PRSS38: variants seen among roughly 807,000 people sequenced by gnomAD.
The protein encoded by PRSS38 is serine protease 38, also known as marapsin 2.
A neutral mutation model predicts 26.8 loss-of-function variants in PRSS38; 22 were observed. The ratio of observed to expected loss-of-function variants is 0.82; its 90% CI spans 0.59 to 1.17. The LOEUF (loss-of-function observed/expected upper bound fraction) is 1.17. Among genes scored for constraint, PRSS38 ranks in the 50% most tolerant of loss-of-function variants. The probability of loss-of-function intolerance (pLI) is 0.00; values close to 1 mark genes in which losing one functional copy is unlikely to be tolerated. For synonymous variants in PRSS38, 175 were observed against 172.1 expected (o/e 1.02, Z -0.13); for missense variants, 427 against 422.7 (o/e 1.01, Z -0.09).
rs543439849 is a variant in PRSS38, at chr1:227,817,600, A to G, written c.583+120A>G. Reference sequence around the variant, plus strand: ...TTGGGGACTGGAATCCCCACCTGTCAATCAACATTTATTTGTTTGTCAGTG... The same window carrying G: ...TTGGGGACTGGAATCCCCACCTGTCGATCAACATTTATTTGTTTGTCAGTG... On this transcript the variant is annotated intron_variant, in intron 3 of 4. Transcript: ENST00000366757. 24 of 956,142 alleles carry G rather than the reference A, an allele frequency of 2.5e-5. No individual in the cohort carries two copies. The East Asian group carries it at 5.3e-4, about 21-fold the overall frequency. 59.2% of individuals were successfully genotyped at this position (956,142 alleles called of 1,614,324 possible). A position where few individuals can be genotyped will look rare whatever the true frequency, so the allele number is the denominator to read the frequency against.
At chr1:227,837,156 A>C (rs1665249140) in intron 3 of PRSS38, among the ~76,000 whole-genome samples, 1 of 152,156 alleles carries the variant, frequency 6.6e-6, no homozygotes, top group Non-Finnish European at 1.5e-5. Context: ...ATGCCTGGAT[A>C]GTTTTTACTC....
At chr1:227,839,279 G>A (rs996376931) in intron 3 of PRSS38, among the ~76,000 whole-genome samples, 1 of 152,082 alleles carries the variant, frequency 6.6e-6, no homozygotes, top group Non-Finnish European at 1.5e-5. Context: ...GGACAACATA[G>A]TGAGACCCCA....
chr1:227,818,692 A>AAC (rs1486550259), intron 3 of PRSS38, among the ~76,000 whole-genome samples: 3 of 151,814 alleles, frequency 2.0e-5, no homozygotes, highest in Non-Finnish European at 4.4e-5. Context: ...AAAAAAAAAA[A>AAC]AAAAAAACGT....
intron 3 of PRSS38, among the ~76,000 whole-genome samples, chr1:227,842,208 C>G (rs964372616): frequency 6.6e-6 from 1 of 152,108 alleles, no homozygotes. Flanking sequence ...GCAGGGCAGG[C>G]GAATAGTGCC....
chr1:227,831,267 C>T (rs1392316377), intron 3 of PRSS38, among the ~76,000 whole-genome samples: 1 of 152,148 alleles, frequency 6.6e-6, no homozygotes, highest in Non-Finnish European at 1.5e-5. Flanking sequence ...TAATTTCCCT[C>T]ATAATTTTTT....
intron 3 of PRSS38, among the ~76,000 whole-genome samples, chr1:227,824,667 C>A (rs1359754777): frequency 6.6e-6 from 1 of 152,176 alleles, no homozygotes; most frequent in African/African-American, 2.4e-5. Flanking sequence ...AATGGTTGAA[C>A]TAATTTACAC....
intron 3 of PRSS38, among the ~76,000 whole-genome samples, chr1:227,825,956 A>G (rs1665067917): frequency 6.6e-6 from 1 of 152,170 alleles, no homozygotes; most frequent in South Asian, 2.1e-4. Context: ...TATTGAATCT[A>G]TAAATTACTT....
intron 3 of PRSS38, among the ~76,000 whole-genome samples, chr1:227,821,594 G>A (rs938985692): frequency 6.6e-6 from 1 of 152,088 alleles, no homozygotes; most frequent in African/African-American, 2.4e-5. Context: ...TCTGAAGGAC[G>A]ATGTTGTCAG....
At chr1:227,846,333 G>T in exon 5 of PRSS38, 1 of 1,265,796 alleles carries the variant, frequency 7.9e-7, no homozygotes, top group Admixed American at 2.2e-5. Flanking sequence ...TATCCCGGGG[G>T]TGGATGCTGA....
chr1:227,825,346 C>A (rs1665057955), intron 3 of PRSS38, among the ~76,000 whole-genome samples: 1 of 152,166 alleles, frequency 6.6e-6, no homozygotes, highest in Admixed American at 6.5e-5. Flanking sequence ...CACATGCCAC[C>A]ACGCCCAGCT....
intron 3 of PRSS38, among the ~76,000 whole-genome samples, chr1:227,837,121 G>T (rs1468934256): frequency 6.6e-6 from 1 of 152,188 alleles, no homozygotes; most frequent in Non-Finnish European, 1.5e-5. Flanking sequence ...CTTCAGAGGA[G>T]CTGGGACTAC....
chr1:227,832,662 A>G (rs1487067557), intron 3 of PRSS38, among the ~76,000 whole-genome samples: 1 of 152,230 alleles, frequency 6.6e-6, no homozygotes, highest in African/African-American at 2.4e-5. Context: ...AGACAGACAA[A>G]TTAGGTGAGA....
chr1:227,834,525 C>G (rs780059614), intron 3 of PRSS38, among the ~76,000 whole-genome samples: 16 of 152,104 alleles, frequency 1.1e-4, no homozygotes, highest in Non-Finnish European at 2.2e-4. Flanking sequence ...AAAAATTAGC[C>G]GGGCGTGGTG....
rs1665425477 is a variant in PRSS38, at chr1:227,846,005, A to T, written c.778A>T (p.Ile260Phe). ...TGAATTCAACCGCAGCTGGTTGCAG[A>T]TTGGAATTGTGAGCTGGGGCCGAGG... Residue 260 changes from isoleucine (I) to phenylalanine (F), a missense_variant, in exon 5 of 5, where the codon ATT becomes TTT. By Grantham distance (21) the Ile-to-Phe change is conservative (BLOSUM62 0). Coordinates refer to ENST00000366757, the Ensembl canonical transcript of PRSS38. 1.9e-6 allele frequency: 3 copies of T among 1,614,184 alleles called. No homozygotes were observed. The highest frequency in any genetic ancestry group is 2.5e-6 in the Non-Finnish European group (3 of 1,180,024).
intron 3 of PRSS38, among the ~76,000 whole-genome samples, chr1:227,844,459 C>T (rs948153415): frequency 1.4e-5 from 2 of 148,088 alleles, no homozygotes; most frequent in African/African-American, 5.0e-5. Context: ...TATGTGTAGT[C>T]AGGACTCCTA....
intron 3 of PRSS38, among the ~76,000 whole-genome samples, chr1:227,836,317 C>T (rs1012316101): frequency 6.6e-6 from 1 of 151,948 alleles, no homozygotes; most frequent in Non-Finnish European, 1.5e-5. Context: ...CCCAGGCTGG[C>T]CTCAAGGGAT....
At chr1:227,823,644 G>C (rs572266784) in intron 3 of PRSS38, among the ~76,000 whole-genome samples, 1 of 152,204 alleles carries the variant, frequency 6.6e-6, no homozygotes, top group South Asian at 2.1e-4. Flanking sequence ...GCAAAAGCTG[G>C]ACTAATGTTT....
At chr1:227,834,835 A>G (rs1665216206) in intron 3 of PRSS38, among the ~76,000 whole-genome samples, 1 of 152,202 alleles carries the variant, frequency 6.6e-6, no homozygotes, top group South Asian at 2.1e-4. Flanking sequence ...TTGTCTCAAA[A>G]AAAATTGATA....
chr1:227,836,310 A>G (rs371362727), intron 3 of PRSS38, among the ~76,000 whole-genome samples: 1 of 152,010 alleles, frequency 6.6e-6, no homozygotes, highest in Non-Finnish European at 1.5e-5. Context: ...TTTACTGCCC[A>G]GGCTGGCCTC....
Sources: allele counts gnomAD v4.1 joint callset (sites outside exome capture counted in the v4.1 genomes callset), GRCh38; gene constraint gnomAD v4.1.1; transcripts MANE v1.5; gene names NCBI Gene and HGNC (gene_info 2026-07-23, HGNC 2026-07-21).